CNTN1: variants seen among roughly 807,000 people sequenced by gnomAD.
The protein encoded by CNTN1 is contactin-1.
CNTN1 carries 38 observed loss-of-function variants against 126.4 expected under a neutral mutation model. The ratio of observed to expected loss-of-function variants is 0.30; its 90% CI spans 0.23 to 0.39. The LOEUF (loss-of-function observed/expected upper bound fraction) is 0.39. CNTN1 is among the 10% of genes least tolerant of loss of function. The pLI is 1.00. For synonymous variants in CNTN1, 413 were observed against 422.6 expected, an observed-to-expected ratio of 0.98 and a Z score of 0.28; for missense variants, 1,009 against 1,248.4, an observed-to-expected ratio of 0.81 and a Z score of 2.89.
chr12:40,828,006 C>T (rs1387336273), intron 1 of CNTN1: 1 of 152,150 alleles, frequency 6.6e-6, no homozygotes, highest in Non-Finnish European at 1.5e-5. Flanking sequence ...GCAGCATTGA[C>T]TCGGGCCAGC....
At chr12:40,734,013 G>A (rs1584091) in intron 1 of CNTN1, among the ~76,000 whole-genome samples, 146,712 of 152,202 alleles carry the variant, frequency 0.96, 70,783 homozygotes, top group Non-Finnish European at 0.99. Context: ...CCATTAAACT[G>A]TAAAAAGTAA....
At chr12:40,959,050 T>C (rs1947005933) in intron 14 of CNTN1, 64 bp from the exon 15 acceptor site, 1 of 1,605,082 alleles carries the variant, frequency 6.2e-7, no homozygotes. Flanking sequence ...ACCTCTTGGA[T>C]CTTAAATGCC....
intron 14 of CNTN1, among the ~76,000 whole-genome samples, chr12:40,955,631 T>C (rs1384197235): frequency 1.3e-5 from 2 of 152,146 alleles, no homozygotes; most frequent in African/African-American, 2.4e-5. Context: ...TCAATATTTG[T>C]TGAATTCTCT....
At chr12:40,813,028 C>CTCTT (rs1274133371) in intron 1 of CNTN1, among the ~76,000 whole-genome samples, 356 of 33,884 alleles carry the variant, frequency 0.011, 10 homozygotes, top group African/African-American at 0.023. Context: ...TTCTTTCTTT[C>CTCTT]TCTTTCTTTC....
chr12:40,862,049 T>C (rs1565847755), intron 1 of CNTN1, among the ~76,000 whole-genome samples: 1 of 116,816 alleles, frequency 8.6e-6, no homozygotes, highest in Admixed American at 9.1e-5. Context: ...CCCCTGTCTT[T>C]ACAAAAATAA....
At chr12:41,002,665 C>T (rs1039830280) in intron 17 of CNTN1, among the ~76,000 whole-genome samples, 1 of 149,878 alleles carries the variant, frequency 6.7e-6, no homozygotes, top group African/African-American at 2.5e-5. Flanking sequence ...TAACGCCATT[C>T]TCCTGCCTCG....
chr12:40,929,939 T>G lies in CNTN1; in HGVS notation c.640T>G (p.Ser214Ala), dbSNP rs1209690552. 6.2e-7 allele frequency: 1 copy of G among 1,612,970 alleles called. No homozygotes were observed. The highest frequency in any genetic ancestry group is 8.5e-7 in the Non-Finnish European group (1 of 1,179,166). The change falls in exon 7 of 24, where the codon TCC becomes GCC. Residue 214 changes from serine to alanine, a missense_variant. By Grantham distance (99) the Ser-to-Ala change is moderately conservative. Transcript: ENST00000551295. Reference sequence around the variant, plus strand: ...CAAAGGCAATTATTCCTGCTTTGTTTCCAGTCCTTCTATTACAAAGAGCGT... The same window carrying G: ...CAAAGGCAATTATTCCTGCTTTGTTGCCAGTCCTTCTATTACAAAGAGCGT... Reference protein sequence around the residue: ...SDKGNYSCFVSSPSITKSVFS... With the variant: ...SDKGNYSCFVASPSITKSVFS...
chr12:40,968,719 A>G (rs571211600), intron 15 of CNTN1, among the ~76,000 whole-genome samples: 1 of 152,306 alleles, frequency 6.6e-6, no homozygotes, highest in Admixed American at 6.5e-5. Flanking sequence ...TTTCATAGGC[A>G]AAGGAAGTTT....
chr12:40,896,292 T>G (rs561305557), intron 1 of CNTN1, among the ~76,000 whole-genome samples: 7 of 151,156 alleles, frequency 4.6e-5, no homozygotes, highest in African/African-American at 9.8e-5. Flanking sequence ...ATAAGGTATG[T>G]TTTTTTTTCC....
intron 6 of CNTN1, among the ~76,000 whole-genome samples, 173 bp from the exon 7 acceptor site, chr12:40,929,623 G>T (rs1233807352): frequency 6.6e-6 from 1 of 151,984 alleles, no homozygotes; most frequent in East Asian, 1.9e-4. Context: ...TTATATTCAT[G>T]TGAAATATGG....
chr12:40,762,822 A>C (rs554809391), intron 1 of CNTN1, among the ~76,000 whole-genome samples: 1 of 152,316 alleles, frequency 6.6e-6, no homozygotes, highest in East Asian at 1.9e-4. Context: ...TAATAATAAT[A>C]ATGAAAGCAT....
At chr12:41,053,428 A>AATATATATATAT (rs66808071) in intron 23 of CNTN1, among the ~76,000 whole-genome samples, 3,633 of 63,672 alleles carry the variant, frequency 0.057, 315 homozygotes, top group African/African-American at 0.086. Context: ...GTTTTCACTA[A>AATATATATATAT]ATATATATAT....
intron 1 of CNTN1, among the ~76,000 whole-genome samples, chr12:40,713,408 A>G (rs1428844684): frequency 6.6e-6 from 1 of 151,256 alleles, no homozygotes; most frequent in East Asian, 1.9e-4. Flanking sequence ...GGAGCATTTT[A>G]TCATGGTTGT....
chr12:40,707,069 CA>C (rs1941772459), intron 1 of CNTN1, among the ~76,000 whole-genome samples: 2 of 150,736 alleles, frequency 1.3e-5, no homozygotes, highest in African/African-American at 2.5e-5. Context: ...CACACACACA[CA>C]CACACACACA....
chr12:40,808,105 C>T (rs1318458086), intron 1 of CNTN1, among the ~76,000 whole-genome samples: 1 of 152,162 alleles, frequency 6.6e-6, no homozygotes, highest in Admixed American at 6.5e-5. Flanking sequence ...CTTTTAGATT[C>T]AGTCATTGTT....
chr12:41,040,451 G>T (rs1043698914), intron 23 of CNTN1, among the ~76,000 whole-genome samples: 1 of 152,054 alleles, frequency 6.6e-6, no homozygotes, highest in Non-Finnish European at 1.5e-5. Flanking sequence ...TTAGAGACGA[G>T]GAAATTAGGT....
rs1947610886 is a variant in CNTN1, at chr12:40,974,292, CTGAGT to C, written c.1805-6615_1805-6611del. 2.6e-5 allele frequency among the ~76,000 whole-genome samples: 4 copies of C among 151,994 alleles called. No individual in the cohort carries two copies. In the South Asian group the frequency reaches 8.3e-4, roughly 32 times the overall value. On this transcript the variant is annotated intron_variant, in intron 15 of 23. Transcript: ENST00000551295. ...GGATGATGTGTTTATCTTTACTTAT[CTGAGT>C]TAACACTGAAACAAAGATTTAAAAA...
intron 16 of CNTN1, among the ~76,000 whole-genome samples, chr12:40,989,377 G>A (rs1277157091): frequency 1.3e-5 from 2 of 152,148 alleles, no homozygotes; most frequent in African/African-American, 2.4e-5. Context: ...GGCAGTGGAA[G>A]AGATAAATGA....
chr12:40,818,283 C>T (rs980752410), intron 1 of CNTN1, among the ~76,000 whole-genome samples: 1 of 152,066 alleles, frequency 6.6e-6, no homozygotes, highest in Non-Finnish European at 1.5e-5. Flanking sequence ...TTCCATCCTC[C>T]CCATCTCCTT....
Sources: allele counts gnomAD v4.1 joint callset (sites outside exome capture counted in the v4.1 genomes callset), GRCh38; gene constraint gnomAD v4.1.1; transcripts MANE v1.5; gene names NCBI Gene and HGNC (gene_info 2026-07-23, HGNC 2026-07-21).